Variants in AKNA observed in about 807,000 individuals in gnomAD.
The protein encoded by AKNA is AT-hook transcription factor.
AKNA carries 67 observed loss-of-function variants against 138.8 expected under a neutral mutation model. The ratio of observed to expected loss-of-function variants is 0.48; its 90% confidence interval spans 0.40 to 0.59. The LOEUF is 0.59. AKNA is among the 20% of genes least tolerant of loss of function. The pLI, the probability that AKNA is intolerant of heterozygous loss-of-function variation, is 0.00. For missense variants in AKNA, 1,813 were observed against 1,880.4 expected (o/e 0.96, Z 0.66); for synonymous variants, 737 against 754.4 (o/e 0.98, Z 0.38).
At position 114,336,602 on chromosome 9, in the gene AKNA, G is replaced by C. The variant is rs1830006600; in HGVS notation, c.*452C>G. The C allele has an allele frequency of 6.2e-6, 1 of 160,390 alleles. No homozygotes were observed. Among genetic ancestry groups the C allele is most frequent in the Non-Finnish European group, 1.4e-5 (1 of 73,890 alleles). 9.9% of individuals were successfully genotyped at this position (160,390 alleles called of 1,614,324 possible). ...CCTTCCCAGTGATGCTTGCCCCAGA[G>C]TGACTGGTCACAGGTGGGGGACAGG... On this transcript the variant is annotated 3_prime_UTR_variant, in exon 22 of 22. Transcript: ENST00000374088.
upstream of AKNA, among the ~76,000 whole-genome samples, chr9:114,397,149 G>A (rs187028258): frequency 2.3e-3 from 353 of 152,246 alleles, 4 homozygotes; most frequent in East Asian, 5.8e-4. Context: ...CGTGGACATC[G>A]CCTCCCTCCT....
chr9:114,375,099 C>T (rs1172545593), intron 3 of AKNA, among the ~76,000 whole-genome samples: 3 of 152,198 alleles, frequency 2.0e-5, no homozygotes, highest in African/African-American at 7.2e-5. Context: ...CTTGCCAAAA[C>T]TCCCCACGCC....
At chr9:114,394,821 T>C (rs1306442676), upstream of AKNA, among the ~76,000 whole-genome samples, 1 of 152,008 alleles carries the variant, frequency 6.6e-6, no homozygotes, top group East Asian at 1.9e-4. Flanking sequence ...GTGTGCCTCT[T>C]AGACCCTGAG....
intron 9 of AKNA, among the ~76,000 whole-genome samples, chr9:114,360,749 T>G (rs1831887579): frequency 6.6e-6 from 1 of 152,142 alleles, no homozygotes; most frequent in African/African-American, 2.4e-5. Flanking sequence ...CAACAGGAGT[T>G]GGGAGGCATA....
chr9:114,368,036 C>T (rs898196264), intron 5 of AKNA, among the ~76,000 whole-genome samples: 1 of 152,228 alleles, frequency 6.6e-6, no homozygotes, highest in African/African-American at 2.4e-5. Context: ...TCAGCGTGTC[C>T]TCACCTCTCC....
At chr9:114,342,905 G>A (rs1367555039) in intron 19 of AKNA, among the ~76,000 whole-genome samples, 2 of 152,240 alleles carry the variant, frequency 1.3e-5, no homozygotes, top group Non-Finnish European at 2.9e-5. Context: ...CATGAACGGA[G>A]AGGCCTGTCA....
intron 1 of AKNA, among the ~76,000 whole-genome samples, chr9:114,393,435 C>T (rs1834426529): frequency 2.0e-5 from 3 of 151,042 alleles, no homozygotes; most frequent in Admixed American, 2.0e-4. Context: ...CTGTGTTAGC[C>T]AGGATGGTCT....
At chr9:114,331,521 T>G, downstream of AKNA, 1 of 1,495,230 alleles carries the variant, frequency 6.7e-7, no homozygotes, top group Middle Eastern at 1.7e-4. Flanking sequence ...ACAGGCACCA[T>G]TGTGCCATCC....
intron 21 of AKNA, among the ~76,000 whole-genome samples, chr9:114,337,767 G>A (rs1213315074): frequency 1.3e-5 from 2 of 150,402 alleles, no homozygotes; most frequent in Non-Finnish European, 3.0e-5. Context: ...GCTGGAGAAA[G>A]GCAATAATTA....
intron 11 of AKNA, 56 bp from the exon 12 acceptor site, chr9:114,358,223 G>A (rs1370511826): frequency 6.8e-6 from 11 of 1,606,434 alleles, no homozygotes; most frequent in Admixed American, 1.7e-5. Flanking sequence ...CTGACGCAGG[G>A]GTTGGCCTGT....
chr9:114,385,679 TAG>T (rs1190717551), intron 1 of AKNA, among the ~76,000 whole-genome samples: 1 of 152,190 alleles, frequency 6.6e-6, no homozygotes, highest in Non-Finnish European at 1.5e-5. Context: ...AGTGACTGAC[TAG>T]AGTTTCGCAC....
chr9:114,352,519 C>T (rs995090307), intron 14 of AKNA, among the ~76,000 whole-genome samples: 4 of 152,044 alleles, frequency 2.6e-5, no homozygotes, highest in African/African-American at 9.7e-5. Flanking sequence ...ATCACTTGAA[C>T]CTGAGTGGTG....
chr9:114,396,016 T>C (rs1208089918), upstream of AKNA, among the ~76,000 whole-genome samples: 1 of 152,100 alleles, frequency 6.6e-6, no homozygotes. Context: ...TTTCTATCTG[T>C]ACAAGAGGGA....
In AKNA at chr9:114,345,897, C is replaced by G; in HGVS notation, c.3627G>C (p.Trp1209Cys). The G allele has an allele frequency of 1.9e-6, 3 of 1,614,146 alleles. No individual in the cohort carries two copies. Among genetic ancestry groups the G allele is most frequent in the Non-Finnish European group, 2.5e-6 (3 of 1,180,022 alleles). ...GGCCCCGGAAGGTGACCCTGTCTGG[C>G]CATCCAGCACTGCCCACCCCTCTCT... ...DGKRGVGSAG[W>C]PDRVTFRGQY... is the part of the protein sequence containing the mutation. The change falls in exon 18 of 22, where the codon TGG becomes TGC. Residue 1209 changes from tryptophan to cysteine, a missense_variant. Physicochemically the swap from Trp to Cys is radical, Grantham distance 215. Coordinates refer to ENST00000374088, the MANE Select transcript of AKNA (RefSeq NM_001317950.2).
intron 6 of AKNA, 85 bp from the exon 7 acceptor site, chr9:114,364,704 G>A: frequency 1.4e-6 from 2 of 1,409,834 alleles, no homozygotes; most frequent in East Asian, 2.3e-5. Context: ...GCCTTGGTAA[G>A]AGGAGCTGGG....
At chr9:114,387,825 G>T in intron 1 of AKNA, 35 bp downstream of exon 1, 1 of 427,548 alleles carries the variant, frequency 2.3e-6, no homozygotes, top group Non-Finnish European at 4.8e-6. Flanking sequence ...GAAGGAAAGC[G>T]GCCTCCCGGG....
In AKNA at chr9:114,372,588, C is replaced by T. The variant is rs978516160; in HGVS notation, c.1416+1505G>A. ...GAGGAGGGAGGGTGCAGACGCTCCACGCCTCCAGCCCCCGCCACTCCATGA... is the reference window on the plus strand; with the variant it reads ...GAGGAGGGAGGGTGCAGACGCTCCATGCCTCCAGCCCCCGCCACTCCATGA... On this transcript the variant is annotated intron_variant, in intron 4 of 21. Coordinates refer to ENST00000374088, the MANE Select transcript of AKNA (RefSeq NM_001317950.2). Among the ~76,000 whole-genome samples, 57 of 152,150 alleles carry T rather than the reference C, an allele frequency of 3.7e-4. 2 individuals carry two copies. The highest frequency in any genetic ancestry group is 1.2e-4 in the Non-Finnish European group (8 of 68,006).
intron 19 of AKNA, among the ~76,000 whole-genome samples, chr9:114,343,447 T>C (rs925390555): frequency 1.3e-5 from 2 of 152,198 alleles, no homozygotes; most frequent in Non-Finnish European, 2.9e-5. Flanking sequence ...TAATCACTGA[T>C]GCCAGGTCCC....
intron 16 of AKNA, 43 bp from the exon 17 acceptor site, chr9:114,346,827 G>C (rs889593986): frequency 5.8e-6 from 9 of 1,547,412 alleles, no homozygotes; most frequent in Admixed American, 1.7e-5. Flanking sequence ...ATGAGGTTTT[G>C]TGTGGCCTTT....
Sources: gnomAD v4.1 joint callset for allele counts (sites outside exome capture counted in the v4.1 genomes callset) on GRCh38, gnomAD v4.1.1 for gene constraint, MANE v1.5 for transcripts, NCBI Gene and HGNC (gene_info 2026-07-23, HGNC 2026-07-21) for gene names.